The following TSHZ1 variants were observed in gnomAD, a reference collection of about 807,000 sequenced individuals.
TSHZ1 encodes the protein teashirt homolog 1.
Under a neutral mutation model 67.1 loss-of-function variants are expected in TSHZ1, and 12 were observed. That is an observed-to-expected ratio of 0.18 (90% CI 0.11 to 0.29). The LOEUF (loss-of-function observed/expected upper bound fraction) is 0.29. Among genes scored for constraint, TSHZ1 ranks in the 10% least tolerant of loss-of-function variants. The pLI is 1.00. For missense variants in TSHZ1, 1,305 were observed against 1,413.9 expected, an observed-to-expected ratio of 0.92 and a Z score of 1.23; for synonymous variants, 632 against 622.4, an observed-to-expected ratio of 1.02 and a Z score of -0.23.
rs2023816036 is a variant in TSHZ1 at position 75,288,475 on chromosome 18, T to G, written c.3068T>G (p.Leu1023Arg). 1 of 1,614,044 alleles carries G rather than the reference T, an allele frequency of 6.2e-7. No homozygotes were observed. The highest frequency in any genetic ancestry group is 1.3e-5 in the African/African-American group (1 of 74,946). The change falls in exon 2 of 2, where the codon CTG (leucine) becomes CGG (arginine). Residue 1023 changes from leucine (L) to arginine (R), a missense_variant. By Grantham distance (102) the Leu-to-Arg change is moderately radical. Around this residue, in one of 3 missense-constraint regions of TSHZ1, gnomAD observed 909 missense variants for 961.8 expected, o/e 0.95. Coordinates refer to ENST00000580243, the MANE Select transcript of TSHZ1 (RefSeq NM_001308210.2). The surrounding 1 kb of genome is among the most constrained non-coding windows in gnomAD (Gnocchi z 4.9). ...NVSKVLTNKT[L>R]GPLGATEEDL... ...TCGAAAGTCCTCACCAACAAAACTCTGGGCCCACTGGGGGCCACCGAGGAA... is the reference window on the plus strand; with the variant it reads ...TCGAAAGTCCTCACCAACAAAACTCGGGGCCCACTGGGGGCCACCGAGGAA...
intron 1 of TSHZ1, among the ~76,000 whole-genome samples, chr18:75,276,008 T>TA (rs1248733358): frequency 2.0e-5 from 3 of 152,228 alleles, no homozygotes; most frequent in African/African-American, 7.2e-5. Flanking sequence ...ATCTTTTACA[T>TA]ACGGTTTAAG....
chr18:75,263,086 A>G (rs2023449868), intron 1 of TSHZ1, among the ~76,000 whole-genome samples: 3 of 152,142 alleles, frequency 2.0e-5, no homozygotes, highest in South Asian at 4.2e-4. Context: ...TCCACAGTCA[A>G]TGTGTTGTGC....
chr18:75,245,030 A>C (rs1039183536), intron 1 of TSHZ1, among the ~76,000 whole-genome samples: 13 of 152,072 alleles, frequency 8.5e-5, no homozygotes, highest in Admixed American at 5.9e-4. Flanking sequence ...TTCTCTGTCA[A>C]CACTGAAGGA....
At chr18:75,236,355 G>A (rs2023071352) in intron 1 of TSHZ1, among the ~76,000 whole-genome samples, 1 of 152,064 alleles carries the variant, frequency 6.6e-6, no homozygotes, top group Non-Finnish European at 1.5e-5. Context: ...CGTCTTCCCC[G>A]TGCCTCTCAC....
At position 75,286,975 on chromosome 18, in the gene TSHZ1, G is replaced by A. The variant is rs2023778899; in HGVS notation, c.1568G>A (p.Ser523Asn). Residue 523 changes from serine (S) to asparagine (N), a missense_variant, in exon 2 of 2, where the codon AGC becomes AAC. Ser to Asn is a conservative substitution (Grantham distance 46). Around this residue, in one of 3 missense-constraint regions of TSHZ1, gnomAD observed 909 missense variants for 961.8 expected, o/e 0.95. Transcript: ENST00000580243. This position sits in a 1 kb window ranked among gnomAD's most constrained non-coding sequence, Gnocchi z 5.1. ...AEKIKEESEDSLEKFEPSTLY... is the reference protein window; with the variant it reads ...AEKIKEESEDNLEKFEPSTLY... ...AAGATCAAGGAGGAGAGTGAGGACA[G>A]CTTGGAGAAATTTGAGCCCAGCACC... The A allele has an allele frequency of 1.2e-6, 2 of 1,614,090 alleles. No individual in the cohort carries two copies. Among genetic ancestry groups the A allele is most frequent in the Non-Finnish European group, 1.7e-6 (2 of 1,180,034 alleles).
chr18:75,265,220 G>C lies in TSHZ1; in HGVS notation c.41-20228G>C, dbSNP rs72969733. On this transcript the variant is annotated intron_variant, in intron 1 of 1. Coordinates refer to ENST00000580243, the MANE Select transcript of TSHZ1 (RefSeq NM_001308210.2). ...TTTAAGAGAAATTTGTCTTTGAGTG[G>C]AATGTTTTCTTGTAGTTCACTGAGG... is the stretch of plus-strand genomic sequence containing the variant. 7.8e-3 allele frequency among the ~76,000 whole-genome samples: 1,195 copies of C among 152,306 alleles called. 9 individuals are homozygous for C. The highest frequency in any genetic ancestry group is 0.02 in the Middle Eastern group (6 of 294).
chr18:75,261,298 C>A (rs975558536), intron 1 of TSHZ1, among the ~76,000 whole-genome samples: 35 of 152,332 alleles, frequency 2.3e-4, no homozygotes, highest in Admixed American at 2.0e-3. Flanking sequence ...TGCTTTGACT[C>A]ATGACAACAT....
chr18:75,287,916 C>G lies in TSHZ1; in HGVS notation c.2509C>G (p.Leu837Val). The change falls in exon 2 of 2, where the codon CTC becomes GTC. Residue 837 changes from leucine to valine, a missense_variant. Transcript: ENST00000580243. The surrounding 1 kb of genome is among the most constrained non-coding windows in gnomAD (Gnocchi z 5.0). ...SVASPLRESA[L>V]MDISDMVKNL... The stretch of plus-strand genomic sequence containing the variant: ...GGCATCACCTCTGCGGGAGAGCGCA[C>G]TCATGGACATCTCCGACATGGTGAA... The G allele has an allele frequency of 6.2e-7, 1 of 1,614,220 alleles. No individual in the cohort carries two copies. Among genetic ancestry groups the G allele is most frequent in the Non-Finnish European group, 8.5e-7 (1 of 1,180,050 alleles).
Position 75,285,755 on chromosome 18 carries a change from C to G in TSHZ1, c.348C>G (p.Ile116Met). Residue 116 changes from isoleucine to methionine, a missense_variant, in exon 2 of 2, where the codon ATC (isoleucine) becomes ATG (methionine). By Grantham distance (10) the Ile-to-Met change is conservative. Transcript: ENST00000580243. ...VSYPQDSLAQ[I>M]KAVYANLFSE... Reference sequence around the variant, plus strand: ...ACCCCCAGGACAGCCTGGCACAGATCAAAGCTGTGTATGCAAACTTGTTCT... The same window carrying G: ...ACCCCCAGGACAGCCTGGCACAGATGAAAGCTGTGTATGCAAACTTGTTCT... The G allele has an allele frequency of 6.2e-7, 1 of 1,614,108 alleles. No homozygotes were observed. Among genetic ancestry groups the G allele is most frequent in the East Asian group, 2.2e-5 (1 of 44,880 alleles).
intron 1 of TSHZ1, among the ~76,000 whole-genome samples, chr18:75,261,365 C>T (rs997055494): frequency 2.0e-5 from 3 of 152,228 alleles, no homozygotes; most frequent in Non-Finnish European, 4.4e-5. Flanking sequence ...CAACAGTCAC[C>T]TCTTTACAGA....
In TSHZ1 at chr18:75,211,236, C is replaced by A. The variant is rs2022677525; in HGVS notation, c.-641C>A. ...TGGAGCAGCGCCTGACATCTCCCCC[C>A]GGCGCATGTATGTACGGGGGCTTCA... On this transcript the variant is annotated 5_prime_UTR_variant, in exon 1 of 2. Coordinates refer to ENST00000580243, the MANE Select transcript of TSHZ1 (RefSeq NM_001308210.2). 6.6e-6 allele frequency: 1 copy of A among 152,074 alleles called. No homozygotes were observed. Among genetic ancestry groups the A allele is most frequent in the African/African-American group, 2.4e-5 (1 of 41,376 alleles). The allele number at this position is 152,074 out of a possible 1,614,324, so 9.4% of individuals were successfully genotyped here.
intron 1 of TSHZ1, among the ~76,000 whole-genome samples, chr18:75,229,542 T>A (rs1323270792): frequency 1.3e-5 from 2 of 152,254 alleles, no homozygotes; most frequent in Admixed American, 1.3e-4. Flanking sequence ...CTGTCAAGAG[T>A]CCAGCACGGT....
intron 1 of TSHZ1, among the ~76,000 whole-genome samples, chr18:75,224,116 A>T (rs1157885436): frequency 6.6e-6 from 1 of 150,776 alleles, no homozygotes; most frequent in East Asian, 1.9e-4. Flanking sequence ...GGAAGGGAAA[A>T]TACCCCAAAA....
chr18:75,286,865 G>A lies in TSHZ1; in HGVS notation c.1458G>A (p.Gln486=). Residue 486 remains glutamine, a synonymous_variant, in exon 2 of 2, where the codon CAG becomes CAA. Transcript: ENST00000580243. The surrounding 1 kb of genome is among the most constrained non-coding windows in gnomAD (Gnocchi z 5.1). ...TRLPASSIKK[Q]PDSPAGSTTS... ...TGCCGGCCTCCAGCATCAAAAAGCA[G>A]CCCGACTCTCCCGCGGGGTCCACGA... 1.9e-6 allele frequency: 3 copies of A among 1,614,126 alleles called. No individual in the cohort carries two copies. The highest frequency in any genetic ancestry group is 1.1e-5 in the South Asian group (1 of 91,080).
At chr18:75,256,218 C>A (rs1157921870) in intron 1 of TSHZ1, among the ~76,000 whole-genome samples, 1 of 152,150 alleles carries the variant, frequency 6.6e-6, no homozygotes, top group African/African-American at 2.4e-5. Flanking sequence ...CATTGACAGG[C>A]ATTGTATCAT....
At chr18:75,225,046 T>C (rs1451169083) in intron 1 of TSHZ1, among the ~76,000 whole-genome samples, 1 of 152,162 alleles carries the variant, frequency 6.6e-6, no homozygotes, top group African/African-American at 2.4e-5. Context: ...TTGGTAAAAT[T>C]TGAGTTTATT....
At chr18:75,232,183 G>A (rs7241052) in intron 1 of TSHZ1, among the ~76,000 whole-genome samples, 35,144 of 152,022 alleles carry the variant, frequency 0.23, 4,057 homozygotes, top group East Asian at 0.32. Context: ...AAAGTGCTGG[G>A]ATTACAGGCG....
intron 1 of TSHZ1, among the ~76,000 whole-genome samples, chr18:75,236,071 T>G (rs567533514): frequency 6.6e-6 from 1 of 152,120 alleles, no homozygotes; most frequent in Non-Finnish European, 1.5e-5. Flanking sequence ...GACAGGAAGC[T>G]TGCGTGATAG....
chr18:75,285,416 T>C (rs2122619325), intron 1 of TSHZ1, 32 bp from the exon 2 acceptor site: 1 of 1,427,182 alleles, frequency 7.0e-7, no homozygotes, highest in East Asian at 2.5e-5. Flanking sequence ...ATGATTTACT[T>C]CTTCTAACTG....
Sources: allele counts gnomAD v4.1 joint callset (sites outside exome capture counted in the v4.1 genomes callset), GRCh38; gene constraint gnomAD v4.1.1; regional missense constraint gnomAD v4.1.1; non-coding constraint Gnocchi (gnomAD v3.1); transcripts MANE v1.5; gene names NCBI Gene and HGNC (gene_info 2026-07-23, HGNC 2026-07-21).